The following VRK2 variants were observed in gnomAD, a reference collection of about 807,000 sequenced individuals.
VRK2 encodes VRK serine/threonine kinase 2, also known as serine/threonine-protein kinase VRK2.
VRK2 carries 60 observed loss-of-function variants against 57.6 expected under a neutral mutation model. That is an observed-to-expected ratio of 1.04 (90% CI 0.85 to 1.29). VRK2 has a LOEUF of 1.29. Among genes scored for constraint, VRK2 ranks in the 50% most tolerant of loss-of-function variants. The probability of loss-of-function intolerance (pLI) is 0.00; values close to 1 mark genes in which losing one functional copy is unlikely to be tolerated. For missense variants in VRK2, 705 were observed against 588.1 expected (o/e 1.20, Z -2.06); for synonymous variants, 231 against 199.2 (o/e 1.16, Z -1.35).
intron 7 of VRK2, among the ~76,000 whole-genome samples, chr2:58,111,258 T>C (rs1434990937): frequency 6.6e-6 from 1 of 152,104 alleles, no homozygotes; most frequent in African/African-American, 2.4e-5. Context: ...ATGACATCCA[T>C]CTTCCCTATC....
chr2:57,987,293 C>A (rs144249242), intron 1 of VRK2, among the ~76,000 whole-genome samples: 1 of 151,988 alleles, frequency 6.6e-6, no homozygotes, highest in Middle Eastern at 3.2e-3. Context: ...AATATATAAA[C>A]AACTCTCAAA....
At chr2:58,089,204 T>G (rs1179987922) in intron 6 of VRK2, among the ~76,000 whole-genome samples, 2 of 152,208 alleles carry the variant, frequency 1.3e-5, no homozygotes, top group Non-Finnish European at 2.9e-5. Flanking sequence ...CCTTTGCTCA[T>G]GGACATGGCA....
intron 2 of VRK2, among the ~76,000 whole-genome samples, chr2:58,055,197 A>G (rs1371600298): frequency 6.6e-6 from 1 of 152,148 alleles, no homozygotes; most frequent in African/African-American, 2.4e-5. Context: ...ATTGGCACCT[A>G]TGCCCTATTG....
intron 11 of VRK2, among the ~76,000 whole-genome samples, chr2:58,140,156 G>T (rs1681111325): frequency 6.6e-6 from 1 of 152,006 alleles, no homozygotes; most frequent in South Asian, 2.1e-4. Context: ...GTTTTCTTTA[G>T]ATATTGCCCT....
At chr2:58,047,084 T>C (rs1674889975) in intron 1 of VRK2, 2 of 660,934 alleles carry the variant, frequency 3.0e-6, no homozygotes, top group African/African-American at 3.9e-5. Flanking sequence ...GGCGTCCCCT[T>C]CTACTCACGT....
chr2:57,992,315 T>C (rs960601623), intron 1 of VRK2, among the ~76,000 whole-genome samples: 2 of 152,166 alleles, frequency 1.3e-5, no homozygotes, highest in Admixed American at 1.3e-4. Flanking sequence ...ATACCATCTC[T>C]AATTTTGAAA....
At chr2:57,959,530 C>T (rs935168828) in intron 1 of VRK2, among the ~76,000 whole-genome samples, 2 of 152,176 alleles carry the variant, frequency 1.3e-5, no homozygotes, top group African/African-American at 4.8e-5. Flanking sequence ...CCTTGGAAAG[C>T]TCCAGTAAGC....
chr2:58,096,235 T>G (rs933381027), intron 7 of VRK2, among the ~76,000 whole-genome samples: 4 of 152,116 alleles, frequency 2.6e-5, no homozygotes, highest in African/African-American at 9.6e-5. Flanking sequence ...GATCCATAGT[T>G]TTCTAATTTT....
Position 58,123,125 on chromosome 2 carries a change from T to C in VRK2, c.568T>C (p.Ser190Pro). 1.2e-6 allele frequency: 2 copies of C among 1,602,058 alleles called. No individual in the cohort carries two copies. Among genetic ancestry groups the C allele is most frequent in the Non-Finnish European group, 1.7e-6 (2 of 1,176,586 alleles). ...GGTTTATCTTGCAGATTATGGACTT[T>C]CCTACAGATATTGTCCCAATGGGAA... is the stretch of plus-strand genomic sequence containing the variant. ...DQVYLADYGL[S>P]YRYCPNGNHK... is the part of the protein sequence containing the mutation. Residue 190 changes from serine to proline, a missense_variant, in exon 8 of 13, where the codon TCC becomes CCC. By Grantham distance (74) the Ser-to-Pro change is moderately conservative (BLOSUM62 -1). Transcript: ENST00000340157.
chr2:57,950,982 C>T (rs1195050152), intron 1 of VRK2, among the ~76,000 whole-genome samples: 4 of 152,082 alleles, frequency 2.6e-5, no homozygotes, highest in Admixed American at 1.3e-4. Flanking sequence ...GTCCCAGCTA[C>T]TCAGGAGGCT....
intron 1 of VRK2, among the ~76,000 whole-genome samples, chr2:57,976,423 A>G (rs1196875660): frequency 6.6e-6 from 1 of 151,998 alleles, no homozygotes; most frequent in East Asian, 1.9e-4. Flanking sequence ...AATCATCTGA[A>G]TGTCTGTTAT....
intron 1 of VRK2, among the ~76,000 whole-genome samples, chr2:57,910,406 G>C (rs962646735): frequency 6.6e-6 from 1 of 152,132 alleles, no homozygotes; most frequent in Admixed American, 6.5e-5. Flanking sequence ...GTGAAGACAG[G>C]AAATGTGTGA....
Position 57,936,533 on chromosome 2 carries a change from T to G in VRK2, c.-439+28694T>G, listed in dbSNP as rs1413729633. On this transcript the variant is annotated intron_variant, in intron 1 of 15. Coordinates refer to the VRK2 transcript ENST00000417641. ...GTTTTGTTTTGTTTTGTTTTTTTGT[T>G]TTTTTTTTTTTGAGATAGAGTATCA... Among the ~76,000 whole-genome samples the G allele has an allele frequency of 1.5e-4, 22 of 144,276 alleles. No individual in the cohort carries two copies. The South Asian group carries it at 3.8e-3, about 25-fold the overall frequency. 94.7% of individuals were successfully genotyped at this position (144,276 alleles called of 152,430 possible).
At chr2:57,949,651 C>G (rs1042963753) in intron 1 of VRK2, among the ~76,000 whole-genome samples, 1 of 152,096 alleles carries the variant, frequency 6.6e-6, no homozygotes, top group Non-Finnish European at 1.5e-5. Context: ...CAATTAATAA[C>G]CCTACAATGG....
intron 12 of VRK2, among the ~76,000 whole-genome samples, chr2:58,151,731 GTTTTTTTTTTTTTTTTTTTTTT>G (rs60379025): frequency 8.4e-4 from 14 of 16,722 alleles, no homozygotes; most frequent in South Asian, 3.9e-3. Flanking sequence ...TTCTATGCTT[GTTTTTTTTTTTTTTTTTTTTTT>G]TTTTTTTTTT....
At chr2:57,994,305 A>G (rs1672859006) in intron 1 of VRK2, among the ~76,000 whole-genome samples, 1 of 152,220 alleles carries the variant, frequency 6.6e-6, no homozygotes, top group Non-Finnish European at 1.5e-5. Context: ...AAATTGACAT[A>G]ACATTATAAC....
intron 1 of VRK2, among the ~76,000 whole-genome samples, chr2:57,955,784 T>A (rs1671569088): frequency 6.6e-6 from 1 of 152,124 alleles, no homozygotes; most frequent in Non-Finnish European, 1.5e-5. Flanking sequence ...AAATTTACTG[T>A]GAGAGATTAG....
At chr2:58,009,882 G>C (rs1435897140) in intron 1 of VRK2, among the ~76,000 whole-genome samples, 2 of 151,792 alleles carry the variant, frequency 1.3e-5, no homozygotes, top group Non-Finnish European at 2.9e-5. Flanking sequence ...CCTTTAATGA[G>C]AATAAATATA....
rs181610578 is a variant in VRK2, at chr2:58,001,770, C to T, written c.-438-23895C>T. Among the ~76,000 whole-genome samples, 8 of 152,040 alleles carry T rather than the reference C, an allele frequency of 5.3e-5. No individual in the cohort carries two copies. In the South Asian group the frequency reaches 1.5e-3, roughly 28 times the overall value. ...CTGGGAGGCAGAGGTTGCAGTGAGC[C>T]GAGATCGCGCCACTGCACTCCAGCC... On this transcript the variant is annotated intron_variant, in intron 1 of 15. Transcript: ENST00000417641.
Sources: gnomAD v4.1 joint callset for allele counts (sites outside exome capture counted in the v4.1 genomes callset) on GRCh38, gnomAD v4.1.1 for gene constraint, MANE v1.5 for transcripts, NCBI Gene and HGNC (gene_info 2026-07-23, HGNC 2026-07-21) for gene names.